ZNF589: variants seen among roughly 807,000 people sequenced by gnomAD.
The protein encoded by ZNF589 is KRAB-zinc finger protein SZF1-1.
ZNF589 carries 17 observed loss-of-function variants against 13.6 expected under a neutral mutation model. The ratio of observed to expected loss-of-function variants is 1.25; its 90% CI spans 0.86 to 1.88. ZNF589 has a LOEUF of 1.88. Among genes scored for constraint, ZNF589 ranks in the 40% most tolerant of loss-of-function variants. ZNF589 has a pLI of 0.00. For missense variants in ZNF589, 407 were observed against 434.0 expected, an observed-to-expected ratio of 0.94 and a Z score of 0.55; for synonymous variants, 148 against 161.6, an observed-to-expected ratio of 0.92 and a Z score of 0.64.
chr3:48,270,267 C>G lies in ZNF589; in HGVS notation c.*1481C>G, dbSNP rs756056910. 1 of 456,372 alleles carries G rather than the reference C, an allele frequency of 2.2e-6. No individual in the cohort carries two copies. Among genetic ancestry groups the G allele is most frequent in the Non-Finnish European group, 4.4e-6 (1 of 226,532 alleles). The allele number at this position is 456,372 out of a possible 1,614,324, so 28.3% of individuals were successfully genotyped here. On this transcript the variant is annotated 3_prime_UTR_variant, in exon 4 of 4. Coordinates refer to ENST00000354698, the MANE Select transcript of ZNF589 (RefSeq NM_016089.3). ...CCTTCCTAACCCTCCAGTCCCAAATCCAAGATTCTTTAACCACACTCTAAA... is the reference window on the plus strand; with the variant it reads ...CCTTCCTAACCCTCCAGTCCCAAATGCAAGATTCTTTAACCACACTCTAAA...
intron 3 of ZNF589, among the ~76,000 whole-genome samples, chr3:48,264,551 G>A (rs144740449): frequency 1.3e-3 from 192 of 151,726 alleles, no homozygotes; most frequent in Middle Eastern, 6.9e-3. Context: ...TAAAAAGGCC[G>A]GGCGCGGTGG....
chr3:48,247,478 G>A, intron 1 of ZNF589, 147 bp from the exon 2 acceptor site: 1 of 674,924 alleles, frequency 1.5e-6, no homozygotes, highest in Admixed American at 2.5e-5. Context: ...GTTGACTCAA[G>A]CATAAGGCAG....
chr3:48,251,303 A>G (rs1403306452), intron 2 of ZNF589, among the ~76,000 whole-genome samples: 1 of 152,140 alleles, frequency 6.6e-6, no homozygotes, highest in Non-Finnish European at 1.5e-5. Context: ...AGGCTGAGAC[A>G]GGAGAATCAC....
chr3:48,257,552 A>G (rs1392248372), intron 2 of ZNF589, among the ~76,000 whole-genome samples: 1 of 152,044 alleles, frequency 6.6e-6, no homozygotes, highest in East Asian at 1.9e-4. Flanking sequence ...GAGCCACCGA[A>G]AAAAGTTTTA....
intron 2 of ZNF589, among the ~76,000 whole-genome samples, chr3:48,254,799 A>C (rs2033879781): frequency 6.6e-6 from 1 of 152,036 alleles, no homozygotes; most frequent in Non-Finnish European, 1.5e-5. Flanking sequence ...GTTGACATAT[A>C]GGAAAGCAGA....
At chr3:48,267,542 G>A (rs1405437742) in intron 3 of ZNF589, among the ~76,000 whole-genome samples, 2 of 152,048 alleles carry the variant, frequency 1.3e-5, no homozygotes, top group South Asian at 2.1e-4. Flanking sequence ...GACTACAGGC[G>A]CCCGTCACTC....
chr3:48,241,258 G>A (rs781568619), intron 1 of ZNF589, 44 bp downstream of exon 1: 3 of 1,601,464 alleles, frequency 1.9e-6, no homozygotes, highest in African/African-American at 1.3e-5. Context: ...CGGTGCTCCA[G>A]CCGCAGGCGC....
intron 1 of ZNF589, among the ~76,000 whole-genome samples, chr3:48,242,276 A>G (rs1416056125): frequency 2.6e-5 from 4 of 151,556 alleles, no homozygotes; most frequent in South Asian, 4.2e-4. Flanking sequence ...ACGCCCGGCT[A>G]TTTTTTTGTA....
At position 48,242,678 on chromosome 3, in the gene ZNF589, T is replaced by G. The variant is rs1486914402; in HGVS notation, c.43+1464T>G. Among the ~76,000 whole-genome samples, 5 of 152,218 alleles carry G rather than the reference T, an allele frequency of 3.3e-5. No individual in the cohort carries two copies. The East Asian group carries it at 7.7e-4, about 23-fold the overall frequency. On this transcript the variant is annotated intron_variant, in intron 1 of 3. Coordinates refer to ENST00000354698, the MANE Select transcript of ZNF589 (RefSeq NM_016089.3). ...TAGGCCACACGGTCTTTGTTACGAC[T>G]AGTGGTCTGCTGTTGTGTGAAAGCA...
intron 2 of ZNF589, among the ~76,000 whole-genome samples, chr3:48,251,010 C>G (rs1217747314): frequency 1.3e-5 from 2 of 152,226 alleles, no homozygotes; most frequent in Non-Finnish European, 2.9e-5. Context: ...CTCGGCCTCC[C>G]AAAGTGCTGG....
chr3:48,269,219 A>T lies in ZNF589; in HGVS notation c.*433A>T, dbSNP rs1420335263. 23 of 1,432,828 alleles carry T rather than the reference A, an allele frequency of 1.6e-5. No individual in the cohort carries two copies. The East Asian group carries it at 5.2e-4, about 32-fold the overall frequency. The allele number at this position is 1,432,828 out of a possible 1,614,324, so 88.8% of individuals were successfully genotyped here. On this transcript the variant is annotated 3_prime_UTR_variant, in exon 4 of 4. Coordinates refer to ENST00000354698, the MANE Select transcript of ZNF589 (RefSeq NM_016089.3). ...ATGCACGGAGTGTGGGCAAGGCTTT[A>T]TCACGAAATCACAGCTCATCAGACA...
Position 48,270,352 on chromosome 3 carries a change from T to C in ZNF589, c.*1566T>C. On this transcript the variant is annotated 3_prime_UTR_variant, in exon 4 of 4. Coordinates refer to ENST00000354698, the MANE Select transcript of ZNF589 (RefSeq NM_016089.3). ...CCACCTTGGCCTTCAATGACAGGGATCTAGCAATGCTGCATCATCAGCCTT... is the reference window on the plus strand; with the variant it reads ...CCACCTTGGCCTTCAATGACAGGGACCTAGCAATGCTGCATCATCAGCCTT... The C allele has an allele frequency of 2.5e-6, 1 of 402,616 alleles. No individual in the cohort carries two copies. The highest frequency in any genetic ancestry group is 4.9e-6 in the Non-Finnish European group (1 of 202,674). 24.9% of individuals were successfully genotyped at this position (402,616 alleles called of 1,614,324 possible). A position where few individuals can be genotyped will look rare whatever the true frequency, so the allele number is the denominator to read the frequency against.
At chr3:48,256,767 T>TGG (rs1264316615) in intron 2 of ZNF589, 2 of 1,603,544 alleles carry the variant, frequency 1.2e-6, no homozygotes, top group Admixed American at 1.7e-5. Flanking sequence ...GGACTCTCCT[T>TGG]GGGAGTCGCT....
chr3:48,269,059 G>T lies in ZNF589; in HGVS notation c.*273G>T. On this transcript the variant is annotated 3_prime_UTR_variant, in exon 4 of 4. Transcript: ENST00000354698. Reference sequence around the variant, plus strand: ...AATGTGGGCGGGGATTTAGCCGGAGGATAGTCCTCAATGGACACTGGAGGA... The same window carrying T: ...AATGTGGGCGGGGATTTAGCCGGAGTATAGTCCTCAATGGACACTGGAGGA... 1 of 657,046 alleles carries T rather than the reference G, an allele frequency of 1.5e-6. No individual in the cohort carries two copies. Among genetic ancestry groups the T allele is most frequent in the Non-Finnish European group, 2.6e-6 (1 of 378,022 alleles). The allele number at this position is 657,046 out of a possible 1,614,324, so 40.7% of individuals were successfully genotyped here. A position where few individuals can be genotyped will look rare whatever the true frequency, so the allele number is the denominator to read the frequency against.
intron 1 of ZNF589, 40 bp downstream of exon 1, chr3:48,241,254 T>C (rs780548791): frequency 8.7e-6 from 14 of 1,603,006 alleles, no homozygotes; most frequent in Admixed American, 1.7e-5. Context: ...CATTCGGTGC[T>C]CCAGCCGCAG....
chr3:48,249,362 C>T (rs1559979926), intron 2 of ZNF589, among the ~76,000 whole-genome samples: 1 of 152,346 alleles, frequency 6.6e-6, no homozygotes, highest in East Asian at 1.9e-4. Flanking sequence ...CTCGGCCTCC[C>T]ACAGTGCTGG....
At position 48,262,907 on chromosome 3, in the gene ZNF589, C is replaced by T. The variant is rs183696800; in HGVS notation, c.223+1968C>T. Among the ~76,000 whole-genome samples the T allele has an allele frequency of 2.0e-4, 31 of 152,128 alleles. 1 individual carries two copies. The highest frequency in any genetic ancestry group is 1.2e-3 in the Admixed American group (19 of 15,272). On this transcript the variant is annotated intron_variant, in intron 3 of 3. Coordinates refer to ENST00000354698, the MANE Select transcript of ZNF589 (RefSeq NM_016089.3). Reference sequence around the variant, plus strand: ...GTGCTGGTTGTGGTGTTTGAGTAACCGCTTGCGTAGCACACTTAGGTCTGT... The same window carrying T: ...GTGCTGGTTGTGGTGTTTGAGTAACTGCTTGCGTAGCACACTTAGGTCTGT...
In ZNF589 at chr3:48,270,219, T is replaced by C; in HGVS notation, c.*1433T>C. On this transcript the variant is annotated 3_prime_UTR_variant, in exon 4 of 4. Transcript: ENST00000354698. The stretch of plus-strand genomic sequence containing the variant: ...GAGTTCAGTCTCCAGCCCTACAATC[T>C]GAGGGACACCTTTACCAGGTCCCCT... 2.2e-6 allele frequency: 1 copy of C among 457,306 alleles called. No homozygotes were observed. Among genetic ancestry groups the C allele is most frequent in the South Asian group, 1.5e-5 (1 of 64,576 alleles). 28.3% of individuals were successfully genotyped at this position (457,306 alleles called of 1,614,324 possible). A position where few individuals can be genotyped will look rare whatever the true frequency, so the allele number is the denominator to read the frequency against.
chr3:48,254,637 C>A (rs932563926), intron 2 of ZNF589, among the ~76,000 whole-genome samples: 1 of 152,030 alleles, frequency 6.6e-6, no homozygotes, highest in Non-Finnish European at 1.5e-5. Flanking sequence ...TCTTTGATTT[C>A]TTTCATCATT....
Sources: allele counts gnomAD v4.1 joint callset (sites outside exome capture counted in the v4.1 genomes callset), GRCh38; gene constraint gnomAD v4.1.1; transcripts MANE v1.5; gene names NCBI Gene and HGNC (gene_info 2026-07-23, HGNC 2026-07-21).